The following GRIK2 variants were observed in gnomAD, a reference collection of about 807,000 sequenced individuals.
The protein encoded by GRIK2 is glutamate receptor ionotropic, kainate 2.
GRIK2 carries 32 observed loss-of-function variants against 100.3 expected under a neutral mutation model. The observed-to-expected ratio is 0.32, with a 90% CI of 0.24 to 0.43. GRIK2 has a LOEUF of 0.43. Ranked by LOEUF, GRIK2 falls within the 20% of genes least tolerant of loss-of-function variation. The pLI is 1.00. For missense variants in GRIK2, 843 were observed against 1,114.9 expected, an observed-to-expected ratio of 0.76 and a Z score of 3.47; for synonymous variants, 417 against 389.4, an observed-to-expected ratio of 1.07 and a Z score of -0.83.
chr6:101,428,818 G>T (rs1769209347), intron 2 of GRIK2, among the ~76,000 whole-genome samples: 1 of 152,138 alleles, frequency 6.6e-6, no homozygotes, highest in South Asian at 2.1e-4. Context: ...TCTGCAGGTG[G>T]GTGACAGGGG....
intron 2 of GRIK2, among the ~76,000 whole-genome samples, chr6:101,483,371 A>G (rs1446268046): frequency 6.6e-6 from 1 of 152,214 alleles, no homozygotes; most frequent in Non-Finnish European, 1.5e-5. Flanking sequence ...TATTTGTAGT[A>G]TGATTAGTAG....
chr6:101,432,102 C>T (rs1471380212), intron 2 of GRIK2, among the ~76,000 whole-genome samples: 1 of 151,710 alleles, frequency 6.6e-6, no homozygotes, highest in Non-Finnish European at 1.5e-5. Flanking sequence ...TCTCATTAGA[C>T]CCTGCCCTGC....
chr6:101,599,847 A>G (rs763670023), intron 2 of GRIK2, among the ~76,000 whole-genome samples: 93 of 151,678 alleles, frequency 6.1e-4, no homozygotes, highest in Non-Finnish European at 1.2e-3. Context: ...TCTATCCTGT[A>G]GGTTGTCTGT....
At chr6:101,738,293 A>G (rs1291558504) in intron 7 of GRIK2, among the ~76,000 whole-genome samples, 1 of 143,874 alleles carries the variant, frequency 7.0e-6, no homozygotes, top group Non-Finnish European at 1.5e-5. Context: ...GTCAATTGTA[A>G]TTGTAATTGT....
At chr6:101,723,759 C>T (rs1302439647) in intron 7 of GRIK2, among the ~76,000 whole-genome samples, 1 of 151,962 alleles carries the variant, frequency 6.6e-6, no homozygotes, top group East Asian at 1.9e-4. Flanking sequence ...GATACACATT[C>T]AAAATATGAC....
intron 2 of GRIK2, among the ~76,000 whole-genome samples, chr6:101,548,166 T>C (rs1157960417): frequency 6.6e-6 from 1 of 152,142 alleles, no homozygotes; most frequent in Non-Finnish European, 1.5e-5. Flanking sequence ...TTGATGGGGT[T>C]GTTTGTTTTT....
chr6:102,031,223 T>G (rs1769983219), intron 14 of GRIK2, among the ~76,000 whole-genome samples: 1 of 150,968 alleles, frequency 6.6e-6, no homozygotes, highest in Non-Finnish European at 1.5e-5. Context: ...TTCTAAATGG[T>G]CTTTTTACAT....
intron 7 of GRIK2, among the ~76,000 whole-genome samples, chr6:101,715,341 T>TC (rs1212888766): frequency 2.0e-5 from 3 of 151,568 alleles, no homozygotes; most frequent in Non-Finnish European, 4.4e-5. Context: ...TAGGGACAGA[T>TC]CCCCCACCTG....
intron 7 of GRIK2, among the ~76,000 whole-genome samples, chr6:101,796,986 A>C (rs1424721695): frequency 6.6e-6 from 1 of 152,112 alleles, no homozygotes; most frequent in Non-Finnish European, 1.5e-5. Context: ...TTTGATTTTT[A>C]ATTAGGCAAA....
intron 4 of GRIK2, among the ~76,000 whole-genome samples, chr6:101,674,596 A>T (rs1001320030): frequency 6.6e-6 from 1 of 152,194 alleles, no homozygotes; most frequent in Admixed American, 6.5e-5. Context: ...TTACAGCTCA[A>T]TGTTAACACC....
intron 14 of GRIK2, among the ~76,000 whole-genome samples, chr6:102,018,265 T>C (rs1206232256): frequency 6.6e-6 from 1 of 152,110 alleles, no homozygotes; most frequent in Non-Finnish European, 1.5e-5. Flanking sequence ...CTGTTTCAGG[T>C]GAGGCAGAAT....
In GRIK2 at chr6:101,644,378, A is replaced by C. The variant is rs527363498; in HGVS notation, c.541+17741A>C. 5.9e-5 allele frequency among the ~76,000 whole-genome samples: 9 copies of C among 151,842 alleles called. No homozygotes were observed. The South Asian group carries it at 1.9e-3, about 31-fold the overall frequency. On this transcript the variant is annotated intron_variant, in intron 4 of 16. Coordinates refer to ENST00000369134, the MANE Select transcript of GRIK2 (RefSeq NM_021956.5). ...TATGGTGAACTGGTAGCATGATGAA[A>C]CATCTACTGAGGTTGATACACCAGA...
chr6:101,700,989 C>G (rs78102087), intron 7 of GRIK2, among the ~76,000 whole-genome samples: 1 of 152,084 alleles, frequency 6.6e-6, no homozygotes, highest in East Asian at 1.9e-4. Flanking sequence ...CGAAGTGGGG[C>G]TATTGCAAAA....
chr6:101,913,774 T>C (rs1788912285), intron 12 of GRIK2, among the ~76,000 whole-genome samples: 1 of 151,506 alleles, frequency 6.6e-6, no homozygotes, highest in Admixed American at 6.6e-5. Context: ...TTAATATGAA[T>C]GCTATGTAAG....
chr6:101,562,962 A>G (rs180852109), intron 2 of GRIK2, among the ~76,000 whole-genome samples: 1 of 152,224 alleles, frequency 6.6e-6, no homozygotes, highest in Non-Finnish European at 1.5e-5. Context: ...GTGAAGCTTT[A>G]TAAGCTGCTA....
intron 2 of GRIK2, among the ~76,000 whole-genome samples, chr6:101,553,199 T>C (rs1189649371): frequency 6.6e-6 from 1 of 152,230 alleles, no homozygotes; most frequent in Non-Finnish European, 1.5e-5. Context: ...ATTATAGGTT[T>C]AATATGGCAC....
chr6:101,688,083 TA>T (rs1051752955), intron 7 of GRIK2, among the ~76,000 whole-genome samples: 1 of 146,392 alleles, frequency 6.8e-6, no homozygotes, highest in African/African-American at 2.5e-5. Flanking sequence ...ATTTATTATA[TA>T]AAAATATATA....
chr6:101,785,155 T>C (rs981836623), intron 7 of GRIK2, among the ~76,000 whole-genome samples: 1 of 147,006 alleles, frequency 6.8e-6, no homozygotes, highest in Non-Finnish European at 1.5e-5. Flanking sequence ...TTTTTATTTA[T>C]TTATTTTTTT....
intron 14 of GRIK2, among the ~76,000 whole-genome samples, chr6:102,015,443 G>T (rs1379765919): frequency 6.6e-6 from 1 of 152,090 alleles, no homozygotes; most frequent in East Asian, 1.9e-4. Flanking sequence ...TACATTCAAG[G>T]TTAGTATTGA....
Sources: gnomAD v4.1 joint callset for allele counts (sites outside exome capture counted in the v4.1 genomes callset) on GRCh38, gnomAD v4.1.1 for gene constraint, MANE v1.5 for transcripts, NCBI Gene and HGNC (gene_info 2026-07-23, HGNC 2026-07-21) for gene names.